The following CDK13 variants were observed in gnomAD, a reference collection of about 807,000 sequenced individuals.
CDK13 encodes the protein cyclin dependent kinase 13.
Under a neutral mutation model 137.6 loss-of-function variants are expected in CDK13, and 40 were observed. The ratio of observed to expected loss-of-function variants is 0.29; its 90% CI spans 0.23 to 0.38. The LOEUF is 0.38. Among genes scored for constraint, CDK13 ranks in the 10% least tolerant of loss-of-function variants. The probability of loss-of-function intolerance (pLI) is 1.00; values close to 1 mark genes in which losing one functional copy is unlikely to be tolerated. For synonymous variants in CDK13, 869 were observed against 760.1 expected, an observed-to-expected ratio of 1.14 and a Z score of -2.36; for missense variants, 1,704 against 1,951.8, an observed-to-expected ratio of 0.87 and a Z score of 2.39.
intron 5 of CDK13, among the ~76,000 whole-genome samples, chr7:40,003,206 A>ACACACACACACTCT (rs374470130): frequency 1.3e-5 from 1 of 79,864 alleles, no homozygotes; most frequent in African/African-American, 4.8e-5. Context: ...ACACACACAC[A>ACACACACACACTCT]CTCTCTCTCT....
intron 7 of CDK13, among the ~76,000 whole-genome samples, chr7:40,059,836 C>T (rs1786102289): frequency 6.6e-6 from 1 of 152,124 alleles, no homozygotes; most frequent in Admixed American, 6.5e-5. Context: ...AAAACATTTC[C>T]ATATTTTTGA....
At chr7:40,071,766 TAA>T (rs1786427387) in intron 9 of CDK13, 1 of 152,218 alleles carries the variant, frequency 6.6e-6, no homozygotes, top group Admixed American at 6.5e-5. Context: ...GTGGAGGATA[TAA>T]GTTTTCTAAT....
At chr7:40,043,953 G>C (rs1470291326) in intron 5 of CDK13, among the ~76,000 whole-genome samples, 1 of 148,486 alleles carries the variant, frequency 6.7e-6, no homozygotes, top group Non-Finnish European at 1.5e-5. Context: ...CTGGAGTGCA[G>C]TGGCACCACC....
intron 5 of CDK13, among the ~76,000 whole-genome samples, chr7:40,006,140 A>G (rs1232551103): frequency 6.6e-6 from 1 of 152,176 alleles, no homozygotes; most frequent in Non-Finnish European, 1.5e-5. Flanking sequence ...TTTGAGGGGA[A>G]CTTTGAACCT....
intron 5 of CDK13, among the ~76,000 whole-genome samples, chr7:40,011,462 A>G (rs1427863182): frequency 6.6e-6 from 1 of 152,246 alleles, no homozygotes; most frequent in East Asian, 1.9e-4. Context: ...AATAGAATTG[A>G]GAGTCTAGAA....
At chr7:39,986,640 T>G (rs1784343075) in intron 1 of CDK13, 1 of 152,224 alleles carries the variant, frequency 6.6e-6, no homozygotes, top group African/African-American at 2.4e-5. Flanking sequence ...TTTGAAGACT[T>G]AAATGATATG....
At chr7:40,063,517 A>G (rs1337113013) in intron 9 of CDK13, among the ~76,000 whole-genome samples, 1 of 152,192 alleles carries the variant, frequency 6.6e-6, no homozygotes, top group Non-Finnish European at 1.5e-5. Context: ...ATATGTGTCT[A>G]TATATGTGTG....
chr7:39,960,698 C>G (rs894184053), intron 1 of CDK13, among the ~76,000 whole-genome samples: 11 of 152,026 alleles, frequency 7.2e-5, no homozygotes, highest in African/African-American at 2.7e-4. Context: ...CTTTAGCCTC[C>G]TGAGTAGCTG....
At chr7:39,963,575 G>T (rs1472294728) in intron 1 of CDK13, among the ~76,000 whole-genome samples, 2 of 152,174 alleles carry the variant, frequency 1.3e-5, no homozygotes, top group Admixed American at 1.3e-4. Context: ...TGCAAACAGG[G>T]ACAATTTGAC....
intron 12 of CDK13, 160 bp from the exon 13 acceptor site, chr7:40,092,625 A>T: frequency 1.7e-6 from 1 of 600,170 alleles, no homozygotes; most frequent in Non-Finnish European, 2.9e-6. Flanking sequence ...TTTTAAATGT[A>T]CATGATATTT....
intron 1 of CDK13, chr7:39,985,642 G>A (rs2116254698): frequency 6.6e-6 from 1 of 151,968 alleles, no homozygotes; most frequent in East Asian, 1.9e-4. Flanking sequence ...TAGCTCCTTG[G>A]CAGTGTGTTA....
chr7:40,064,728 A>G (rs963541412), intron 9 of CDK13, among the ~76,000 whole-genome samples: 5 of 152,070 alleles, frequency 3.3e-5, no homozygotes, highest in African/African-American at 9.7e-5. Context: ...ACATTATGAA[A>G]AAGAAGAAGG....
chr7:39,993,809 G>C (rs1438575828), intron 2 of CDK13, among the ~76,000 whole-genome samples: 1 of 151,934 alleles, frequency 6.6e-6, no homozygotes, highest in African/African-American at 2.4e-5. Flanking sequence ...TTATAGGATA[G>C]TTACATGTCA....
chr7:40,032,784 T>G (rs1342156903), intron 5 of CDK13, among the ~76,000 whole-genome samples: 1 of 152,186 alleles, frequency 6.6e-6, no homozygotes, highest in East Asian at 1.9e-4. Context: ...CATACTGTAT[T>G]AATTACTGTA....
chr7:40,049,953 G>A (rs769726441), intron 7 of CDK13, among the ~76,000 whole-genome samples: 7 of 150,968 alleles, frequency 4.6e-5, no homozygotes, highest in African/African-American at 7.4e-5. Flanking sequence ...TTCATTGTGC[G>A]TATATGCCAC....
At chr7:40,049,753 T>C (rs1158632118) in intron 7 of CDK13, among the ~76,000 whole-genome samples, 1 of 152,186 alleles carries the variant, frequency 6.6e-6, no homozygotes, top group Non-Finnish European at 1.5e-5. Flanking sequence ...CTATGCCCCG[T>C]ATCTGGTAAC....
At chr7:40,060,364 G>GTT (rs1786115095) in intron 7 of CDK13, among the ~76,000 whole-genome samples, 1 of 152,110 alleles carries the variant, frequency 6.6e-6, no homozygotes, top group Non-Finnish European at 1.5e-5. Flanking sequence ...CTTGAGCCTA[G>GTT]TTATCCAGTT....
chr7:39,988,172 G>C lies in CDK13; in HGVS notation c.1785G>C (p.Glu595Asp). 1 of 1,614,090 alleles carries C rather than the reference G, an allele frequency of 6.2e-7. No homozygotes were observed. Among genetic ancestry groups the C allele is most frequent in the South Asian group, 1.1e-5 (1 of 91,080 alleles). ...KPLTPSIGAK[E>D]KEQHVALVTS... ...TTACACCAAGCATAGGAGCCAAGGAGAAGGAGCAACATGTAGCTTTAGTCA... is the reference window on the plus strand; with the variant it reads ...TTACACCAAGCATAGGAGCCAAGGACAAGGAGCAACATGTAGCTTTAGTCA... The change falls in exon 2 of 14, where the codon GAG becomes GAC. Residue 595 changes from glutamate to aspartate, a missense_variant. Transcript: ENST00000181839.
intron 9 of CDK13, among the ~76,000 whole-genome samples, chr7:40,063,400 A>C (rs1562755989): frequency 1.3e-5 from 2 of 152,156 alleles, no homozygotes; most frequent in Admixed American, 6.5e-5. Flanking sequence ...GGAAGAGTAA[A>C]TGTAGGAGAG....
Sources: allele counts gnomAD v4.1 joint callset (sites outside exome capture counted in the v4.1 genomes callset), GRCh38; gene constraint gnomAD v4.1.1; transcripts MANE v1.5; gene names NCBI Gene and HGNC (gene_info 2026-07-23, HGNC 2026-07-21).